CGGBP1: variants seen among roughly 807,000 people sequenced by gnomAD.
CGGBP1 encodes CGG triplet repeat-binding protein 1.
CGGBP1 carries 4 observed loss-of-function variants against 11.4 expected under a neutral mutation model. The observed-to-expected ratio is 0.35, with a 90% confidence interval of 0.17 to 0.80. The LOEUF (loss-of-function observed/expected upper bound fraction) is 0.80, where lower values mean the gene tolerates loss of function less well. Among genes scored for constraint, CGGBP1 ranks in the 30% least tolerant of loss-of-function variants. The pLI is 0.52. For synonymous variants in CGGBP1, 76 were observed against 74.1 expected (o/e 1.03, Z -0.13); for missense variants, 135 against 202.1 (o/e 0.67, Z 2.01).
intron 1 of CGGBP1, chr3:88,141,933 A>G (rs1707152861): frequency 1.1e-5 from 3 of 283,622 alleles, no homozygotes; most frequent in East Asian, 6.0e-5. Flanking sequence ...TTTCGCTTAT[A>G]TGAGAAACAT....
intron 2 of CGGBP1, among the ~76,000 whole-genome samples, chr3:88,134,380 CAT>C (rs975138535): frequency 6.6e-6 from 1 of 151,960 alleles, no homozygotes; most frequent in Non-Finnish European, 1.5e-5. Context: ...ACTTTTATGA[CAT>C]GTTTTAAAGA....
upstream of CGGBP1, chr3:88,059,275 C>T (rs1397775381): frequency 5.2e-6 from 8 of 1,532,010 alleles, no homozygotes; most frequent in African/African-American, 2.7e-5. Flanking sequence ...TCTACGGCGG[C>T]GGCGGCGGCG....
At chr3:88,091,043 A>G (rs1172050634) in intron 2 of CGGBP1, among the ~76,000 whole-genome samples, 7 of 152,216 alleles carry the variant, frequency 4.6e-5, no homozygotes, top group Admixed American at 2.0e-4. Context: ...ACAGTTGCCT[A>G]TGGTATTCAG....
intron 2 of CGGBP1, among the ~76,000 whole-genome samples, chr3:88,097,937 G>T (rs1163156751): frequency 1.3e-5 from 2 of 152,104 alleles, no homozygotes; most frequent in East Asian, 3.9e-4. Flanking sequence ...AGAAGCAAGA[G>T]CAAACAAATT....
chr3:88,086,523 T>C, intron 2 of CGGBP1: 2 of 910,012 alleles, frequency 2.2e-6, no homozygotes, highest in Admixed American at 6.9e-5. Context: ...AAGAAATGTT[T>C]ATTTTTTTCA....
At chr3:88,094,748 G>A (rs1703956958) in intron 2 of CGGBP1, among the ~76,000 whole-genome samples, 1 of 151,982 alleles carries the variant, frequency 6.6e-6, no homozygotes, top group Non-Finnish European at 1.5e-5. Flanking sequence ...GCTTAATCTT[G>A]TGCTAAGTCA....
At chr3:88,087,147 T>C (rs1225600744) in intron 2 of CGGBP1, among the ~76,000 whole-genome samples, 4 of 152,056 alleles carry the variant, frequency 2.6e-5, no homozygotes, top group African/African-American at 9.7e-5. Flanking sequence ...GGTGTGATCT[T>C]GGTTCACCGC....
At chr3:88,077,321 G>A (rs1707860467) in intron 2 of CGGBP1, among the ~76,000 whole-genome samples, 1 of 151,182 alleles carries the variant, frequency 6.6e-6, no homozygotes, top group South Asian at 2.1e-4. Context: ...AGAAAAAGTT[G>A]CAGACTTAAA....
chr3:88,083,650 A>G (rs1259351551), intron 2 of CGGBP1, among the ~76,000 whole-genome samples: 7 of 152,204 alleles, frequency 4.6e-5, no homozygotes. Flanking sequence ...TGCTAGCCTT[A>G]ATCTTCTGCT....
intron 2 of CGGBP1, among the ~76,000 whole-genome samples, chr3:88,117,529 C>G (rs757856158): frequency 5.9e-5 from 9 of 151,732 alleles, no homozygotes; most frequent in Non-Finnish European, 1.2e-4. Flanking sequence ...TTTATCAGGA[C>G]AACAAAGTAG....
In CGGBP1 at chr3:88,055,843, G is replaced by T. The variant is rs1368532496; in HGVS notation, c.134C>A (p.Ser45Tyr). ...AACATGATTCAGAACCACATTGCAA[G>T]AAGTGCAGAAGAGTTTTCCTCCATC... ...HEDGGKLFCTSCNVVLNHVRK... is the reference protein window; with the variant it reads ...HEDGGKLFCTYCNVVLNHVRK... Residue 45 changes from serine (S) to tyrosine (Y), a missense_variant, in exon 4 of 4, where the codon TCT (serine) becomes TAT (tyrosine). Coordinates refer to ENST00000482016, the MANE Select transcript of CGGBP1 (RefSeq NM_001008390.2). The surrounding 1 kb of genome is among the most constrained non-coding windows in gnomAD (Gnocchi z 4.2). The T allele has an allele frequency of 6.2e-7, 1 of 1,614,186 alleles. No homozygotes were observed. Among genetic ancestry groups the T allele is most frequent in the Non-Finnish European group, 8.5e-7 (1 of 1,180,042 alleles).
intron 2 of CGGBP1, among the ~76,000 whole-genome samples, chr3:88,124,746 G>T (rs188895045): frequency 6.8e-6 from 1 of 147,212 alleles, no homozygotes; most frequent in Admixed American, 6.8e-5. Context: ...GCAATTGCTT[G>T]TGTTTTGATT....
intron 2 of CGGBP1, among the ~76,000 whole-genome samples, chr3:88,107,338 T>C (rs982527119): frequency 6.6e-6 from 1 of 152,214 alleles, no homozygotes; most frequent in African/African-American, 2.4e-5. Context: ...CGTTAGCCTA[T>C]ATATTTACTG....
chr3:88,077,440 C>G (rs1237305726), intron 2 of CGGBP1, among the ~76,000 whole-genome samples: 2 of 151,764 alleles, frequency 1.3e-5, no homozygotes, highest in African/African-American at 4.8e-5. Context: ...TCACTCCACT[C>G]TCCTGCCTCA....
upstream of CGGBP1, chr3:88,059,069 A>T: frequency 2.9e-6 from 2 of 694,920 alleles, no homozygotes; most frequent in Non-Finnish European, 4.5e-6. Flanking sequence ...CGGCCGGTTT[A>T]TCAAACAGAC....
chr3:88,144,415 C>T (rs1300585556), intron 1 of CGGBP1: 1 of 152,220 alleles, frequency 6.6e-6, no homozygotes, highest in African/African-American at 2.4e-5. Context: ...TGTAAAACAC[C>T]TTTTCAGAAT....
At chr3:88,109,839 A>G (rs1359421812) in intron 2 of CGGBP1, among the ~76,000 whole-genome samples, 1 of 152,182 alleles carries the variant, frequency 6.6e-6, no homozygotes, top group Non-Finnish European at 1.5e-5. Flanking sequence ...TTTATTGTAG[A>G]AACATATTAA....
At chr3:88,142,613 C>T (rs1707187338) in intron 1 of CGGBP1, 1 of 152,330 alleles carries the variant, frequency 6.6e-6, no homozygotes, top group Non-Finnish European at 1.5e-5. Context: ...TATCTAAGTA[C>T]AGTCCTATTA....
rs148607185 is a variant in CGGBP1 at position 88,100,042 on chromosome 3, G to A, written c.-229+40928C>T. 7.4e-4 allele frequency among the ~76,000 whole-genome samples: 112 copies of A among 152,214 alleles called. 1 individual carries two copies. Among genetic ancestry groups the A allele is most frequent in the African/African-American group, 2.5e-3 (105 of 41,536 alleles). On this transcript the variant is annotated intron_variant, in intron 2 of 3. Transcript: ENST00000462901. ...TACCATCACAGTGAACAGGCAACCT[G>A]CAGAATGGGAGAAAATTTTTACAAT...
Sources: gnomAD v4.1 joint callset for allele counts (sites outside exome capture counted in the v4.1 genomes callset) on GRCh38, gnomAD v4.1.1 for gene constraint, Gnocchi (gnomAD v3.1) non-coding constraint, MANE v1.5 for transcripts, NCBI Gene and HGNC (gene_info 2026-07-23, HGNC 2026-07-21) for gene names.